The following AUTS2 variants were observed in gnomAD, a reference collection of about 807,000 sequenced individuals.
AUTS2 encodes the protein autism susceptibility gene 2 protein.
A neutral mutation model predicts 112.4 loss-of-function variants in AUTS2; 17 were observed. The ratio of observed to expected loss-of-function variants is 0.15; its 90% CI spans 0.10 to 0.23. The LOEUF (loss-of-function observed/expected upper bound fraction) is 0.23. Among genes scored for constraint, AUTS2 ranks in the 10% least tolerant of loss-of-function variants. The pLI, the probability that AUTS2 is intolerant of heterozygous loss-of-function variation, is 1.00. For missense variants in AUTS2, 1,510 were observed against 1,701.6 expected (o/e 0.89, Z 1.98); for synonymous variants, 751 against 702.7 (o/e 1.07, Z -1.09).
intron 3 of AUTS2, among the ~76,000 whole-genome samples, chr7:70,132,126 T>C (rs1806304799): frequency 7.2e-6 from 1 of 138,528 alleles, no homozygotes; most frequent in Non-Finnish European, 1.5e-5. Flanking sequence ...TTTCTGCTGA[T>C]CCTGAAATCA....
At chr7:69,907,222 A>G (rs1795182841) in intron 2 of AUTS2, among the ~76,000 whole-genome samples, 1 of 152,124 alleles carries the variant, frequency 6.6e-6, no homozygotes, top group Non-Finnish European at 1.5e-5. Flanking sequence ...TTAAATGTAT[A>G]CAACTGTGTG....
intron 4 of AUTS2, among the ~76,000 whole-genome samples, chr7:70,426,084 G>A (rs915403250): frequency 1.3e-5 from 2 of 152,198 alleles, no homozygotes; most frequent in African/African-American, 4.8e-5. Context: ...ATGGTGTACA[G>A]TACAGGCAGG....
chr7:69,702,333 T>C (rs988276406), intron 1 of AUTS2, among the ~76,000 whole-genome samples: 4 of 152,176 alleles, frequency 2.6e-5, no homozygotes, highest in Admixed American at 2.0e-4. Flanking sequence ...GATGTGGTTC[T>C]GGTTGTGCAA....
chr7:70,162,445 CAAAAAAAAAAAAAAAAAAAAAAA>C lies in AUTS2; in HGVS notation c.660+27887_660+27909del, dbSNP rs57688959. On this transcript the variant is annotated intron_variant, in intron 4 of 18. Transcript: ENST00000342771. ...TGGGCGACAGAGCGAGACTCCGTCT[CAAAAAAAAAAAAAAAAAAAAAAA>C]AAAAAAAAAAAAGAAGTAAAGGAGA... is the stretch of plus-strand genomic sequence containing the variant. 7.1e-5 allele frequency among the ~76,000 whole-genome samples: 4 copies of C among 56,682 alleles called. No individual in the cohort carries two copies. In the Admixed American group the frequency reaches 1.0e-3, roughly 15 times the overall value. 37.2% of individuals were successfully genotyped at this position (56,682 alleles called of 152,430 possible).
At chr7:70,022,250 G>GA (rs1800309538) in intron 2 of AUTS2, among the ~76,000 whole-genome samples, 2 of 151,606 alleles carry the variant, frequency 1.3e-5, no homozygotes, top group Non-Finnish European at 1.5e-5. Flanking sequence ...AGTATCTGAA[G>GA]AAAGGAGGCT....
At chr7:70,090,247 T>C (rs1317837865) in intron 2 of AUTS2, among the ~76,000 whole-genome samples, 1 of 152,026 alleles carries the variant, frequency 6.6e-6, no homozygotes, top group Admixed American at 6.5e-5. Flanking sequence ...GTGTATACTT[T>C]TGTTTCAACT....
At chr7:70,328,042 T>C (rs1790572025) in intron 4 of AUTS2, among the ~76,000 whole-genome samples, 2 of 152,196 alleles carry the variant, frequency 1.3e-5, no homozygotes, top group Admixed American at 6.5e-5. Flanking sequence ...TTTGCCTCAA[T>C]ACCACAATGA....
chr7:69,681,547 T>G (rs142228513), intron 1 of AUTS2, among the ~76,000 whole-genome samples: 6 of 152,204 alleles, frequency 3.9e-5, no homozygotes, highest in African/African-American at 1.2e-4. Flanking sequence ...GGCCTATAGG[T>G]TGGCACTGAC....
chr7:70,363,238 T>G (rs1463694395), intron 4 of AUTS2, among the ~76,000 whole-genome samples: 1 of 152,212 alleles, frequency 6.6e-6, no homozygotes, highest in Non-Finnish European at 1.5e-5. Context: ...ATTTATCTGG[T>G]TTCTCATCTG....
chr7:70,570,661 A>T (rs1585315531), intron 5 of AUTS2, among the ~76,000 whole-genome samples: 2 of 152,190 alleles, frequency 1.3e-5, no homozygotes, highest in East Asian at 3.9e-4. Flanking sequence ...TCCTGCTAAG[A>T]CTATGTGGAC....
At chr7:70,034,096 C>T (rs1800897491) in intron 2 of AUTS2, among the ~76,000 whole-genome samples, 1 of 151,954 alleles carries the variant, frequency 6.6e-6, no homozygotes, top group African/African-American at 2.4e-5. Context: ...TGCTACATGT[C>T]AACTAAAAAG....
rs374683995 is a variant in AUTS2, at chr7:70,762,857, C to G, written c.743-13C>G. The G allele has an allele frequency of 2.6e-5, 41 of 1,591,618 alleles. No homozygotes were observed. The African/African-American group carries it at 3.8e-4, about 15-fold the overall frequency. On this transcript the variant is annotated splice_polypyrimidine_tract_variant and intron_variant, in intron 6 of 18. Coordinates refer to ENST00000342771, the MANE Select transcript of AUTS2 (RefSeq NM_015570.4). ...CATTGCCTGTGGTTTTGTCTTTGCTCTCTCCCATGCAGATCCGGAGTTAGG... is the reference window on the plus strand; with the variant it reads ...CATTGCCTGTGGTTTTGTCTTTGCTGTCTCCCATGCAGATCCGGAGTTAGG...
At chr7:69,743,756 A>G (rs1787366786) in intron 1 of AUTS2, among the ~76,000 whole-genome samples, 2 of 152,152 alleles carry the variant, frequency 1.3e-5, no homozygotes, top group South Asian at 4.1e-4. Context: ...TGTCTGGCCT[A>G]TTCACTCAGC....
intron 5 of AUTS2, among the ~76,000 whole-genome samples, chr7:70,655,529 C>T (rs949525707): frequency 1.3e-5 from 2 of 152,140 alleles, no homozygotes; most frequent in African/African-American, 2.4e-5. Context: ...CATGTGGCAC[C>T]GTGCTTTACG....
chr7:70,447,196 C>T (rs1796352738), intron 5 of AUTS2, among the ~76,000 whole-genome samples: 1 of 152,216 alleles, frequency 6.6e-6, no homozygotes, highest in African/African-American at 2.4e-5. Flanking sequence ...AGAGTCTCAT[C>T]AACCCAGTTA....
At chr7:70,085,180 C>A (rs1031287271) in intron 2 of AUTS2, among the ~76,000 whole-genome samples, 6 of 152,036 alleles carry the variant, frequency 3.9e-5, no homozygotes. Flanking sequence ...CTATCAACTT[C>A]TTTTTATGGG....
intron 4 of AUTS2, chr7:70,291,908 G>A (rs182466276): frequency 6.6e-6 from 1 of 152,316 alleles, no homozygotes; most frequent in East Asian, 1.9e-4. Flanking sequence ...GGACTGCATA[G>A]ATGAAGTATA....
intron 4 of AUTS2, among the ~76,000 whole-genome samples, chr7:70,347,539 C>T (rs1459431005): frequency 1.3e-5 from 2 of 152,052 alleles, no homozygotes; most frequent in South Asian, 2.1e-4. Context: ...GGAATGAGAG[C>T]GGATAAAATA....
chr7:70,440,588 G>C (rs1796085808), intron 5 of AUTS2, among the ~76,000 whole-genome samples: 1 of 152,268 alleles, frequency 6.6e-6, no homozygotes, highest in East Asian at 1.9e-4. Flanking sequence ...GAACCTGCTA[G>C]AGGGTTTCCC....
Sources: gnomAD v4.1 joint callset for allele counts (sites outside exome capture counted in the v4.1 genomes callset) on GRCh38, gnomAD v4.1.1 for gene constraint, MANE v1.5 for transcripts, NCBI Gene and HGNC (gene_info 2026-07-23, HGNC 2026-07-21) for gene names.